GPC5: variants seen among roughly 807,000 people sequenced by gnomAD.
GPC5 encodes the protein glypican 5, also known as glypican-5.
A neutral mutation model predicts 53.9 loss-of-function variants in GPC5; 47 were observed. The ratio of observed to expected loss-of-function variants is 0.87; its 90% CI spans 0.69 to 1.11. The LOEUF (loss-of-function observed/expected upper bound fraction) is 1.11, where lower values mean the gene tolerates loss of function less well. Among genes scored for constraint, GPC5 ranks in the 50% most tolerant of loss-of-function variants. The pLI is 0.00. For synonymous variants in GPC5, 286 were observed against 263.3 expected, an observed-to-expected ratio of 1.09 and a Z score of -0.84; for missense variants, 748 against 713.1, an observed-to-expected ratio of 1.05 and a Z score of -0.56.
intron 2 of GPC5, among the ~76,000 whole-genome samples, chr13:91,622,074 C>T (rs891326464): frequency 2.0e-5 from 3 of 151,986 alleles, no homozygotes; most frequent in African/African-American, 7.3e-5. Context: ...AGCAAGTCTG[C>T]CCTTCCATCT....
intron 7 of GPC5, among the ~76,000 whole-genome samples, chr13:92,836,039 T>A (rs931575790): frequency 4.6e-5 from 7 of 150,786 alleles, no homozygotes; most frequent in African/African-American, 1.2e-4. Context: ...ATCACTTGAC[T>A]TTTTTTTGTC....
chr13:91,464,647 A>C (rs1005388095), intron 2 of GPC5, among the ~76,000 whole-genome samples: 2 of 152,162 alleles, frequency 1.3e-5, no homozygotes, highest in Non-Finnish European at 2.9e-5. Flanking sequence ...GAGATGGAGA[A>C]AGATAAGTTG....
intron 7 of GPC5, among the ~76,000 whole-genome samples, chr13:92,634,701 TCCC>T (rs1363253607): frequency 6.6e-6 from 1 of 152,030 alleles, no homozygotes; most frequent in Non-Finnish European, 1.5e-5. Context: ...ACATTTTTAT[TCCC>T]CCATATATAT....
At chr13:91,805,251 A>G (rs1337203976) in intron 5 of GPC5, among the ~76,000 whole-genome samples, 1 of 152,176 alleles carries the variant, frequency 6.6e-6, no homozygotes, top group Non-Finnish European at 1.5e-5. Context: ...CTGAGCTGGA[A>G]ATAATTAAAT....
intron 7 of GPC5, among the ~76,000 whole-genome samples, chr13:92,213,261 CAT>C (rs1228455210): frequency 1.3e-5 from 2 of 152,130 alleles, no homozygotes; most frequent in Non-Finnish European, 2.9e-5. Flanking sequence ...TTGTATCAAA[CAT>C]ATATATGACA....
In GPC5 at chr13:92,290,508, C is replaced by T. The variant is rs542319732; in HGVS notation, c.1561+145519C>T. ...CCCTTCTGACCCTTTCCCCAAGTCC[C>T]CAAAGTCCACTGTGTCATTCTTATG... On this transcript the variant is annotated intron_variant, in intron 7 of 7. Coordinates refer to ENST00000377067, the MANE Select transcript of GPC5 (RefSeq NM_004466.6). 1.2e-3 allele frequency among the ~76,000 whole-genome samples: 187 copies of T among 152,154 alleles called. 1 individual carries two copies. Among genetic ancestry groups the T allele is most frequent in the African/African-American group, 4.2e-3 (173 of 41,506 alleles).
chr13:92,334,059 G>C (rs1172456493), intron 7 of GPC5, among the ~76,000 whole-genome samples: 1 of 152,078 alleles, frequency 6.6e-6, no homozygotes, highest in Non-Finnish European at 1.5e-5. Flanking sequence ...AAAACCCCCT[G>C]GAACTAATTG....
At position 91,865,538 on chromosome 13, in the gene GPC5, T is replaced by A. The variant is rs112989960; in HGVS notation, c.1281-42399T>A. 6.5e-3 allele frequency among the ~76,000 whole-genome samples: 997 copies of A among 152,250 alleles called. 11 individuals are homozygous for A. The highest frequency in any genetic ancestry group is 0.023 in the African/African-American group (944 of 41,560). On this transcript the variant is annotated intron_variant, in intron 5 of 7. Coordinates refer to ENST00000377067, the MANE Select transcript of GPC5 (RefSeq NM_004466.6). ...AACAGCATCTTTAAGAAGGTCCTCT[T>A]AAAAGGAATCACTTCTTGTTTTCTT...
At chr13:92,265,289 C>G (rs1433735871) in intron 7 of GPC5, among the ~76,000 whole-genome samples, 1 of 152,054 alleles carries the variant, frequency 6.6e-6, no homozygotes, top group African/African-American at 2.4e-5. Context: ...TCACTTTTTA[C>G]TATATCCAGT....
At chr13:92,383,106 A>G (rs1214173300) in intron 7 of GPC5, among the ~76,000 whole-genome samples, 1 of 152,084 alleles carries the variant, frequency 6.6e-6, no homozygotes, top group Non-Finnish European at 1.5e-5. Flanking sequence ...CATAAAAAGG[A>G]CAATCTCATA....
At chr13:92,219,461 C>T (rs977990789) in intron 7 of GPC5, among the ~76,000 whole-genome samples, 16 of 152,098 alleles carry the variant, frequency 1.1e-4, no homozygotes, top group Admixed American at 4.6e-4. Context: ...AAGGCCGATT[C>T]GCACTGGCTT....
chr13:92,292,782 A>G (rs1767941359), intron 7 of GPC5, among the ~76,000 whole-genome samples: 1 of 152,006 alleles, frequency 6.6e-6, no homozygotes, highest in South Asian at 2.1e-4. Flanking sequence ...TATATTCTAG[A>G]ATTTTTATAG....
chr13:92,279,150 C>A (rs2042896022), intron 7 of GPC5, among the ~76,000 whole-genome samples: 3 of 151,980 alleles, frequency 2.0e-5, no homozygotes. Context: ...ATTTTGATTA[C>A]CAATACAGGC....
In GPC5 at chr13:91,416,580, G is replaced by C. The variant is rs151136552; in HGVS notation, c.163+17371G>C. ...CCCATCAACTCGTCCTTTACATTACGCATTTCTCCTAATGTTATCCCTCCC... is the reference window on the plus strand; with the variant it reads ...CCCATCAACTCGTCCTTTACATTACCCATTTCTCCTAATGTTATCCCTCCC... On this transcript the variant is annotated intron_variant, in intron 1 of 7. Coordinates refer to ENST00000377067, the MANE Select transcript of GPC5 (RefSeq NM_004466.6). Among the ~76,000 whole-genome samples, 799 of 151,902 alleles carry C rather than the reference G, an allele frequency of 5.3e-3. 9 individuals carry two copies. The highest frequency in any genetic ancestry group is 0.019 in the African/African-American group (767 of 41,400).
intron 7 of GPC5, among the ~76,000 whole-genome samples, chr13:92,547,263 A>T (rs1882150078): frequency 6.6e-6 from 1 of 152,202 alleles, no homozygotes; most frequent in African/African-American, 2.4e-5. Context: ...GGCCTAAAAT[A>T]ATAATAAACA....
At chr13:92,520,561 C>T (rs1453948366) in intron 7 of GPC5, among the ~76,000 whole-genome samples, 1 of 152,054 alleles carries the variant, frequency 6.6e-6, no homozygotes, top group Non-Finnish European at 1.5e-5. Context: ...GCAGAAAAGG[C>T]CTTTGACAAA....
chr13:92,667,191 C>T (rs1347128131), intron 7 of GPC5, among the ~76,000 whole-genome samples: 1 of 152,068 alleles, frequency 6.6e-6, no homozygotes, highest in Non-Finnish European at 1.5e-5. Context: ...CATGTGCACG[C>T]ATGTGTGTCT....
At chr13:92,649,182 G>T (rs774340070) in intron 7 of GPC5, among the ~76,000 whole-genome samples, 5 of 152,062 alleles carry the variant, frequency 3.3e-5, no homozygotes, top group Non-Finnish European at 5.9e-5. Flanking sequence ...CAATCTTGTT[G>T]CTGACATTAG....
intron 2 of GPC5, chr13:91,486,860 G>T (rs1203293313): frequency 1.3e-5 from 2 of 152,220 alleles, no homozygotes; most frequent in East Asian, 3.9e-4. Flanking sequence ...GCAGTGAACA[G>T]AGAACAGGTA....
Sources: gnomAD v4.1 joint callset for allele counts (sites outside exome capture counted in the v4.1 genomes callset) on GRCh38, gnomAD v4.1.1 for gene constraint, MANE v1.5 for transcripts, NCBI Gene and HGNC (gene_info 2026-07-23, HGNC 2026-07-21) for gene names.